TLE1: variants seen among roughly 807,000 people sequenced by gnomAD.
TLE1 encodes the protein transducin-like enhancer protein 1.
A neutral mutation model predicts 89.8 loss-of-function variants in TLE1; 21 were observed. The observed-to-expected ratio is 0.23, with a 90% CI of 0.17 to 0.34. The LOEUF is 0.34. Ranked by LOEUF, TLE1 falls within the 10% of genes least tolerant of loss-of-function variation. The pLI is 1.00. For missense variants in TLE1, 795 were observed against 1,031.2 expected (o/e 0.77, Z 3.14); for synonymous variants, 447 against 407.6 (o/e 1.10, Z -1.16).
intron 4 of TLE1, among the ~76,000 whole-genome samples, chr9:81,675,708 G>GTTTTGT (rs1832807105): frequency 7.6e-6 from 1 of 132,438 alleles, no homozygotes; most frequent in African/African-American, 3.0e-5. Flanking sequence ...GTTTTTTTTT[G>GTTTTGT]TTTTTTTTTT....
chr9:81,660,745 G>A (rs186986025), intron 4 of TLE1, among the ~76,000 whole-genome samples: 2 of 151,164 alleles, frequency 1.3e-5, no homozygotes, highest in Non-Finnish European at 2.9e-5. Flanking sequence ...GCAGAAATAC[G>A]GCCAAGGACC....
chr9:81,589,765 AG>A (rs1829212929), intron 16 of TLE1, among the ~76,000 whole-genome samples: 1 of 152,234 alleles, frequency 6.6e-6, no homozygotes, highest in Non-Finnish European at 1.5e-5. Flanking sequence ...TTTTAAAAAA[AG>A]AAAAAAACAA....
intron 8 of TLE1, among the ~76,000 whole-genome samples, chr9:81,626,958 T>C (rs1825977567): frequency 1.3e-5 from 2 of 152,116 alleles, no homozygotes; most frequent in South Asian, 4.1e-4. Flanking sequence ...AAAAACAAAA[T>C]CTCTATGTCA....
rs762739239 is a variant in TLE1 at position 81,634,213 on chromosome 9, C to A, written c.461G>T (p.Gly154Val). Residue 154 changes from glycine to valine, a missense_variant, in exon 7 of 20, where the codon GGA becomes GTA. Gly to Val is a moderately radical substitution (Grantham distance 109). Transcript: ENST00000376499. ...GGCACTGCCCCCGAGGGGCGGGATTCCAGGAGGCTGAAGTCCCGAAGGGTG... is the reference window on the plus strand; with the variant it reads ...GGCACTGCCCCCGAGGGGCGGGATTACAGGAGGCTGAAGTCCCGAAGGGTG... ...TPHPSGLQPP[G>V]IPPLGGSAGL... The A allele has an allele frequency of 2.5e-6, 4 of 1,590,126 alleles. No individual in the cohort carries two copies. The highest frequency in any genetic ancestry group is 3.4e-6 in the Non-Finnish European group (4 of 1,166,536).
intron 15 of TLE1, 140 bp from the exon 16 acceptor site, chr9:81,591,192 G>C: frequency 8.5e-7 from 1 of 1,174,910 alleles, no homozygotes; most frequent in Non-Finnish European, 1.2e-6. Flanking sequence ...CTCTAGTCAA[G>C]ATTGGGGTCC....
chr9:81,628,457 A>T (rs1182793127), intron 8 of TLE1, among the ~76,000 whole-genome samples: 2 of 152,164 alleles, frequency 1.3e-5, no homozygotes, highest in African/African-American at 4.8e-5. Context: ...AAAAAGACCA[A>T]CAGTATTCTT....
At chr9:81,613,108 C>T (rs1040558665) in intron 12 of TLE1, among the ~76,000 whole-genome samples, 1 of 152,194 alleles carries the variant, frequency 6.6e-6, no homozygotes, top group African/African-American at 2.4e-5. Flanking sequence ...CACGCCATTG[C>T]ATTCCAGCCT....
At chr9:81,633,138 T>C (rs963451705) in intron 8 of TLE1, among the ~76,000 whole-genome samples, 1 of 151,876 alleles carries the variant, frequency 6.6e-6, no homozygotes, top group Non-Finnish European at 1.5e-5. Flanking sequence ...GCAAGTTTTG[T>C]AAAAAGACAA....
At chr9:81,586,949 T>C (rs981707380) in intron 17 of TLE1, among the ~76,000 whole-genome samples, 1 of 152,238 alleles carries the variant, frequency 6.6e-6, no homozygotes, top group South Asian at 2.1e-4. Context: ...GAATTATTTT[T>C]ATTACAAAAC....
intron 4 of TLE1, among the ~76,000 whole-genome samples, chr9:81,685,181 T>C (rs917532423): frequency 2.9e-4 from 44 of 149,288 alleles, no homozygotes; most frequent in African/African-American, 1.0e-3. Flanking sequence ...AAGCCACTAA[T>C]CCTGACTATT....
At chr9:81,591,725 T>C (rs978398501) in intron 15 of TLE1, among the ~76,000 whole-genome samples, 3 of 152,214 alleles carry the variant, frequency 2.0e-5, no homozygotes, top group Non-Finnish European at 4.4e-5. Flanking sequence ...TTTAAGCACA[T>C]GACTTCAACA....
At chr9:81,685,528 C>G in intron 4 of TLE1, 148 bp downstream of exon 4, 1 of 688,344 alleles carries the variant, frequency 1.5e-6, no homozygotes, top group East Asian at 2.7e-5. Context: ...ATGCAGAATA[C>G]TACCATCAAT....
At chr9:81,605,419 T>C (rs1481649147) in intron 14 of TLE1, among the ~76,000 whole-genome samples, 3 of 152,144 alleles carry the variant, frequency 2.0e-5, no homozygotes, top group Non-Finnish European at 2.9e-5. Flanking sequence ...ATGTTACAAA[T>C]GTACCTATCT....
Position 81,585,644 on chromosome 9 carries a change from C to A in TLE1, c.1989G>T (p.Leu663=). The change falls in exon 18 of 20, where the codon CTG becomes CTT. Residue 663 remains leucine, a synonymous_variant. Transcript: ENST00000376499. ...QHDFTSQIFS[L]GYCPTGEWLA... ...GCCACTCCCCGGTGGGGCAGTACCC[C>A]AGGGAGAAGATCTACAAGGAGCAAG... 1 of 1,613,994 alleles carries A rather than the reference C, an allele frequency of 6.2e-7. No individual in the cohort carries two copies. The highest frequency in any genetic ancestry group is 1.6e-4 in the Middle Eastern group (1 of 6,062).
intron 8 of TLE1, among the ~76,000 whole-genome samples, chr9:81,628,367 T>C (rs928372247): frequency 6.6e-6 from 1 of 152,204 alleles, no homozygotes; most frequent in East Asian, 1.9e-4. Flanking sequence ...ACAAAACTCA[T>C]GTTCATTCTA....
intron 4 of TLE1, among the ~76,000 whole-genome samples, chr9:81,678,270 G>A (rs1469326424): frequency 6.6e-6 from 1 of 152,148 alleles, no homozygotes; most frequent in South Asian, 2.1e-4. Flanking sequence ...GTACAGAGGT[G>A]TGATCACAGC....
intron 14 of TLE1, among the ~76,000 whole-genome samples, chr9:81,594,539 G>A (rs540950412): frequency 4.8e-5 from 7 of 144,552 alleles, no homozygotes; most frequent in East Asian, 3.9e-4. Flanking sequence ...GCAAGACTAC[G>A]TCTTAAAAAA....
intron 9 of TLE1, 54 bp from the exon 10 acceptor site, chr9:81,616,753 GCA>G (rs1202607736): frequency 5.0e-6 from 8 of 1,599,432 alleles, no homozygotes; most frequent in Non-Finnish European, 6.9e-6. Flanking sequence ...TAGGTTTGAG[GCA>G]CAGTTAGATT....
At chr9:81,670,148 C>A (rs1203150496) in intron 4 of TLE1, among the ~76,000 whole-genome samples, 1 of 152,172 alleles carries the variant, frequency 6.6e-6, no homozygotes, top group Non-Finnish European at 1.5e-5. Flanking sequence ...TTGTAACAGC[C>A]AATCAAATTT....
Sources: gnomAD v4.1 joint callset for allele counts (sites outside exome capture counted in the v4.1 genomes callset) on GRCh38, gnomAD v4.1.1 for gene constraint, MANE v1.5 for transcripts, NCBI Gene and HGNC (gene_info 2026-07-23, HGNC 2026-07-21) for gene names.